Variants in GLYATL3 observed in about 807,000 individuals in gnomAD.
GLYATL3 encodes glycine N-acyltransferase-like protein 3.
A neutral mutation model predicts 28.5 loss-of-function variants in GLYATL3; 31 were observed. The ratio of observed to expected loss-of-function variants is 1.09; its 90% CI spans 0.82 to 1.47. The LOEUF is 1.47. Among genes scored for constraint, GLYATL3 ranks in the 40% most tolerant of loss-of-function variants. The pLI, the probability that GLYATL3 is intolerant of heterozygous loss-of-function variation, is 0.00. For synonymous variants in GLYATL3, 141 were observed against 140.2 expected (o/e 1.01, Z -0.04); for missense variants, 369 against 351.5 (o/e 1.05, Z -0.40).
chr6:49,508,977 AAAT>A (rs1309610780), intron 1 of GLYATL3, among the ~76,000 whole-genome samples: 4 of 143,614 alleles, frequency 2.8e-5, no homozygotes, highest in African/African-American at 5.1e-5. Flanking sequence ...ACTGTGTCAA[AAAT>A]AATAATAATA....
Position 49,526,666 on chromosome 6 carries a change from G to C in GLYATL3, c.619G>C (p.Asp207His). Residue 207 changes from aspartate (D) to histidine (H), a missense_variant, in exon 6 of 6, where the codon GAC becomes CAC. Physicochemically the swap from Asp to His is moderately conservative, Grantham distance 81. Transcript: ENST00000371197. The part of the protein sequence containing the change: ...KGNPVSWSIT[D>H]QFATMCHGYT... The stretch of plus-strand genomic sequence containing the variant: ...AAACCCGGTCTCCTGGTCCATCACA[G>C]ACCAGTTTGCCACCATGTGCCATGG... The C allele has an allele frequency of 6.4e-7, 1 of 1,551,828 alleles. No individual in the cohort carries two copies. The highest frequency in any genetic ancestry group is 8.7e-7 in the Non-Finnish European group (1 of 1,147,020).
At chr6:49,503,883 G>A (rs948613929) in intron 1 of GLYATL3, among the ~76,000 whole-genome samples, 11 of 152,146 alleles carry the variant, frequency 7.2e-5, no homozygotes, top group African/African-American at 2.2e-4. Flanking sequence ...AGGCACAAAG[G>A]TGGATACCTA....
intron 1 of GLYATL3, among the ~76,000 whole-genome samples, chr6:49,507,612 C>A (rs1442167484): frequency 3.9e-5 from 6 of 152,078 alleles, no homozygotes; most frequent in Non-Finnish European, 8.8e-5. Flanking sequence ...AGACTGAAGA[C>A]CAGTCGTCAT....
In GLYATL3 at chr6:49,505,285, G is replaced by C. The variant is rs574962265; in HGVS notation, c.-29+5243G>C. Among the ~76,000 whole-genome samples the C allele has an allele frequency of 5.1e-3, 775 of 152,298 alleles. 5 individuals are homozygous for C. The highest frequency in any genetic ancestry group is 0.024 in the Middle Eastern group (7 of 294). On this transcript the variant is annotated intron_variant, in intron 1 of 5. Transcript: ENST00000371197. ...CAAAGAGAACAAGGAAAATAGATTAGTGTCAGTAATATTTTTGATGGTAGC... is the reference window on the plus strand; with the variant it reads ...CAAAGAGAACAAGGAAAATAGATTACTGTCAGTAATATTTTTGATGGTAGC...
rs1581870840 is a variant in GLYATL3, at chr6:49,517,568, T to G, written c.313+12T>G. The stretch of plus-strand genomic sequence containing the variant: ...TTTTCAAATACAAGGTGAGGTCAAG[T>G]GCAAGACTTATATTACACAGTCTTT... On this transcript the variant is annotated intron_variant, in intron 4 of 5. Coordinates refer to ENST00000371197, the MANE Select transcript of GLYATL3 (RefSeq NM_001010904.2). The G allele has an allele frequency of 2.6e-6, 4 of 1,546,056 alleles. No homozygotes were observed. Among genetic ancestry groups the G allele is most frequent in the South Asian group, 1.2e-5 (1 of 83,060 alleles).
chr6:49,508,710 G>A (rs1231317219), intron 1 of GLYATL3, among the ~76,000 whole-genome samples: 1 of 152,188 alleles, frequency 6.6e-6, no homozygotes, highest in Non-Finnish European at 1.5e-5. Flanking sequence ...AGCACATCAC[G>A]TGCTGTTGGC....
At chr6:49,514,259 A>T (rs1408167406) in intron 2 of GLYATL3, among the ~76,000 whole-genome samples, 1 of 152,308 alleles carries the variant, frequency 6.6e-6, no homozygotes, top group Non-Finnish European at 1.5e-5. Context: ...CCTGTTTTGA[A>T]TGTAACATAA....
chr6:49,526,162 T>A (rs1258203100), intron 5 of GLYATL3, among the ~76,000 whole-genome samples: 1 of 152,092 alleles, frequency 6.6e-6, no homozygotes, highest in African/African-American at 2.4e-5. Context: ...ACGCCTATAA[T>A]CTCAGCTCTT....
At chr6:49,506,907 G>A (rs1164351097) in intron 1 of GLYATL3, among the ~76,000 whole-genome samples, 1 of 152,074 alleles carries the variant, frequency 6.6e-6, no homozygotes, top group Admixed American at 6.6e-5. Flanking sequence ...CTGAAAGAAG[G>A]GGTCCCGGAG....
At position 49,515,525 on chromosome 6, in the gene GLYATL3, G is replaced by A. The variant is rs1581869811; in HGVS notation, c.79-128G>A. The A allele has an allele frequency of 1.4e-5, 8 of 588,884 alleles. No individual in the cohort carries two copies. In the East Asian group the frequency reaches 2.3e-4, roughly 17 times the overall value. 36.5% of individuals were successfully genotyped at this position (588,884 alleles called of 1,614,324 possible). A position where few individuals can be genotyped will look rare whatever the true frequency, so the allele number is the denominator to read the frequency against. On this transcript the variant is annotated intron_variant, in intron 2 of 5. Coordinates refer to ENST00000371197, the MANE Select transcript of GLYATL3 (RefSeq NM_001010904.2). ...GTGTCTATTATGTGTCTGAATGTAT[G>A]TATATATATATTTATAATTTCCCCT... is the stretch of plus-strand genomic sequence containing the variant.
chr6:49,506,576 G>A (rs1037771510), intron 1 of GLYATL3, among the ~76,000 whole-genome samples: 2 of 152,044 alleles, frequency 1.3e-5, no homozygotes, highest in African/African-American at 4.8e-5. Context: ...ATCATGGAGG[G>A]GGAGGGCATA....
chr6:49,517,410 G>T lies in GLYATL3; in HGVS notation c.187-20G>T. 1 of 1,497,586 alleles carries T rather than the reference G, an allele frequency of 6.7e-7. No individual in the cohort carries two copies. The highest frequency in any genetic ancestry group is 8.9e-7 in the Non-Finnish European group (1 of 1,120,966). The allele number at this position is 1,497,586 out of a possible 1,614,324, so 92.8% of individuals were successfully genotyped here. ...CCAGATAATACGTTTATGTTTTTGT[G>T]ATTATGTCTTCTGTCCTAGGCTGAG... On this transcript the variant is annotated intron_variant, in intron 3 of 5. Coordinates refer to ENST00000371197, the MANE Select transcript of GLYATL3 (RefSeq NM_001010904.2).
rs540629018 is a variant in GLYATL3 at position 49,527,270 on chromosome 6, T to A, written c.*356T>A. 2.0e-5 allele frequency among the ~76,000 whole-genome samples: 3 copies of A among 152,316 alleles called. No individual in the cohort carries two copies. The South Asian group carries it at 6.2e-4, about 32-fold the overall frequency. On this transcript the variant is annotated 3_prime_UTR_variant, in exon 6 of 6. Coordinates refer to ENST00000371197, the MANE Select transcript of GLYATL3 (RefSeq NM_001010904.2). The stretch of plus-strand genomic sequence containing the variant: ...GACCACGTGGCTACTGCTTTTTGAT[T>A]GCTGCTTGGACCTCTGCTCTGTATT...
At chr6:49,510,868 A>G (rs760546013) in intron 1 of GLYATL3, among the ~76,000 whole-genome samples, 6 of 152,212 alleles carry the variant, frequency 3.9e-5, no homozygotes, top group African/African-American at 9.6e-5. Context: ...GCTTGATCAT[A>G]TGCTTTCCAG....
intron 1 of GLYATL3, among the ~76,000 whole-genome samples, chr6:49,508,106 C>T (rs777913512): frequency 2.0e-5 from 3 of 151,962 alleles, no homozygotes; most frequent in African/African-American, 7.3e-5. Flanking sequence ...ACCATCCTGG[C>T]TAACATGGTG....
At chr6:49,510,046 A>ATTTAT (rs373987217) in intron 1 of GLYATL3, among the ~76,000 whole-genome samples, 10,904 of 86,422 alleles carry the variant, frequency 0.13, 563 homozygotes, top group Middle Eastern at 0.16. Context: ...TTATTTATTT[A>ATTTAT]TTTTTTTGAC....
chr6:49,505,654 G>A (rs1465217851), intron 1 of GLYATL3, among the ~76,000 whole-genome samples: 5 of 152,194 alleles, frequency 3.3e-5, no homozygotes, highest in African/African-American at 1.2e-4. Flanking sequence ...GCACAAAGAT[G>A]TAGAAAAGGC....
chr6:49,525,753 C>G (rs745441646), intron 5 of GLYATL3, among the ~76,000 whole-genome samples: 12 of 151,982 alleles, frequency 7.9e-5, no homozygotes, highest in Non-Finnish European at 1.8e-4. Flanking sequence ...TATATTTGGG[C>G]ATGGTCTGCT....
intron 1 of GLYATL3, among the ~76,000 whole-genome samples, 198 bp downstream of exon 1, chr6:49,500,240 T>C (rs897757462): frequency 1.3e-5 from 2 of 152,160 alleles, no homozygotes; most frequent in African/African-American, 2.4e-5. Context: ...TAAATTTTGA[T>C]ATGAGGAAAA....
Sources: gnomAD v4.1 joint callset for allele counts (sites outside exome capture counted in the v4.1 genomes callset) on GRCh38, gnomAD v4.1.1 for gene constraint, MANE v1.5 for transcripts, NCBI Gene and HGNC (gene_info 2026-07-23, HGNC 2026-07-21) for gene names.